Variants in GRIN2A observed in about 807,000 individuals in gnomAD.
GRIN2A encodes the protein glutamate ionotropic receptor NMDA type subunit 2A, also known as glutamate receptor ionotropic, NMDA 2A.
GRIN2A carries 22 observed loss-of-function variants against 113.4 expected under a neutral mutation model. The ratio of observed to expected loss-of-function variants is 0.19; its 90% confidence interval spans 0.14 to 0.28. GRIN2A has a LOEUF of 0.28. Ranked by LOEUF, GRIN2A falls within the 10% of genes least tolerant of loss-of-function variation. GRIN2A has a pLI of 1.00. For missense variants in GRIN2A, 1,502 were observed against 1,887.0 expected (o/e 0.80, Z 3.78); for synonymous variants, 827 against 738.4 (o/e 1.12, Z -1.94).
intron 3 of GRIN2A, chr16:9,937,681 T>C (rs1456026002): frequency 2.1e-6 from 1 of 474,998 alleles, no homozygotes; most frequent in Non-Finnish European, 3.9e-6. Flanking sequence ...GATACAGCCA[T>C]AGACAGACAG....
intron 2 of GRIN2A, among the ~76,000 whole-genome samples, chr16:9,968,533 G>A (rs150342969): frequency 0.015 from 2,288 of 151,838 alleles, 22 homozygotes; most frequent in Non-Finnish European, 0.024. Context: ...GGATGGTCTC[G>A]AACTCCTGAC....
intron 2 of GRIN2A, among the ~76,000 whole-genome samples, chr16:10,132,340 C>CAAAAAAAAAAAAA (rs71402435): frequency 0.031 from 1,905 of 61,054 alleles, 111 homozygotes; most frequent in South Asian, 0.046. Flanking sequence ...GACACCGTCT[C>CAAAAAAAAAAAAA]AAAAAAAAAA....
intron 11 of GRIN2A, among the ~76,000 whole-genome samples, chr16:9,781,607 C>A (rs969613010): frequency 3.9e-5 from 6 of 152,164 alleles, no homozygotes; most frequent in African/African-American, 1.4e-4. Flanking sequence ...GCAATCCCCC[C>A]ACCTTGGCCT....
At chr16:10,035,931 C>G (rs2047016972) in intron 2 of GRIN2A, among the ~76,000 whole-genome samples, 3 of 152,106 alleles carry the variant, frequency 2.0e-5, no homozygotes, top group Non-Finnish European at 2.9e-5. Context: ...ACCATGTTGG[C>G]CAGGCTGGTC....
intron 3 of GRIN2A, among the ~76,000 whole-genome samples, chr16:9,925,725 G>A (rs2044451029): frequency 1.3e-5 from 2 of 152,096 alleles, no homozygotes; most frequent in South Asian, 2.1e-4. Flanking sequence ...GTCCATTTTG[G>A]TTGTTTCAGT....
intron 4 of GRIN2A, among the ~76,000 whole-genome samples, chr16:9,853,040 C>G (rs1007563736): frequency 6.6e-6 from 1 of 152,114 alleles, no homozygotes; most frequent in African/African-American, 2.4e-5. Flanking sequence ...AAACATGGGT[C>G]TAAGAGAGCA....
intron 2 of GRIN2A, among the ~76,000 whole-genome samples, chr16:10,145,519 A>AT (rs1324187549): frequency 6.6e-6 from 1 of 152,182 alleles, no homozygotes; most frequent in East Asian, 1.9e-4. Context: ...TTTTTAAAAA[A>AT]AAAAAATTGA....
chr16:9,954,941 CCA>C (rs1555457702), intron 2 of GRIN2A, among the ~76,000 whole-genome samples: 1 of 152,158 alleles, frequency 6.6e-6, no homozygotes, highest in Non-Finnish European at 1.5e-5. Context: ...TAGGCTTACT[CCA>C]CAGTTATTAT....
At chr16:9,793,052 T>C (rs1448299611) in intron 11 of GRIN2A, among the ~76,000 whole-genome samples, 2 of 152,202 alleles carry the variant, frequency 1.3e-5, no homozygotes, top group African/African-American at 4.8e-5. Context: ...GATCCTCACG[T>C]GATTCTTGCT....
In GRIN2A at chr16:10,028,747, G is replaced by A. The variant is rs183482502; in HGVS notation, c.415-90196C>T. 3.2e-4 allele frequency among the ~76,000 whole-genome samples: 48 copies of A among 152,294 alleles called. No homozygotes were observed. The East Asian group carries it at 8.1e-3, about 26-fold the overall frequency. On this transcript the variant is annotated intron_variant, in intron 2 of 12. Coordinates refer to ENST00000330684, the MANE Select transcript of GRIN2A (RefSeq NM_001134407.3). ...AAGAGCTAGAGAGTAAATATTTTGA[G>A]CTTTGCAGGCCATGCAGTCTCTCTC...
chr16:10,066,808 C>T (rs531528290), intron 2 of GRIN2A, among the ~76,000 whole-genome samples: 1 of 152,148 alleles, frequency 6.6e-6, no homozygotes, highest in Admixed American at 6.5e-5. Context: ...GGAAATGTCA[C>T]CTTTAACACT....
intron 4 of GRIN2A, among the ~76,000 whole-genome samples, chr16:9,883,585 C>G (rs940256419): frequency 5.3e-5 from 8 of 152,134 alleles, no homozygotes; most frequent in Non-Finnish European, 1.0e-4. Flanking sequence ...CAGCTGAATA[C>G]TAGGGCTTGG....
intron 5 of GRIN2A, among the ~76,000 whole-genome samples, chr16:9,848,673 TTTTATAATATTTTAAATATATAAAATA>T: frequency 1.3e-5 from 1 of 76,276 alleles, no homozygotes; most frequent in African/African-American, 7.2e-5. Flanking sequence ...AAAATATATG[TTTTATAATATTTTAAATATATAAAATA>T]CACTGTTTTA....
chr16:10,102,997 C>G (rs1224865388), intron 2 of GRIN2A, among the ~76,000 whole-genome samples: 2 of 152,172 alleles, frequency 1.3e-5, no homozygotes, highest in African/African-American at 4.8e-5. Context: ...CTGTGCCATC[C>G]CCTATGGTAG....
At chr16:9,986,858 C>A (rs2045988270) in intron 2 of GRIN2A, among the ~76,000 whole-genome samples, 1 of 151,462 alleles carries the variant, frequency 6.6e-6, no homozygotes, top group Middle Eastern at 3.5e-3. Flanking sequence ...TCCATAAATA[C>A]TACAACCTCA....
chr16:9,903,169 CTG>C (rs1035205752), intron 3 of GRIN2A, among the ~76,000 whole-genome samples: 3 of 152,014 alleles, frequency 2.0e-5, no homozygotes, highest in African/African-American at 7.2e-5. Flanking sequence ...CGGGGTTTCA[CTG>C]TGTTAGCCAG....
intron 4 of GRIN2A, among the ~76,000 whole-genome samples, chr16:9,859,947 C>T (rs2043036390): frequency 6.6e-6 from 1 of 151,912 alleles, no homozygotes; most frequent in Non-Finnish European, 1.5e-5. Flanking sequence ...CCGGGTAATA[C>T]TGGAAGCCCT....
chr16:9,910,193 A>G (rs1234396917), intron 3 of GRIN2A, among the ~76,000 whole-genome samples: 1 of 151,800 alleles, frequency 6.6e-6, no homozygotes, highest in East Asian at 1.9e-4. Context: ...TTTTTGTTTG[A>G]ATACCTATTT....
At chr16:9,998,791 C>T (rs1262399801) in intron 2 of GRIN2A, among the ~76,000 whole-genome samples, 1 of 151,942 alleles carries the variant, frequency 6.6e-6, no homozygotes, top group African/African-American at 2.4e-5. Context: ...CTCCAACTCT[C>T]TAACAGTTCT....
Sources: gnomAD v4.1 joint callset for allele counts (sites outside exome capture counted in the v4.1 genomes callset) on GRCh38, gnomAD v4.1.1 for gene constraint, MANE v1.5 for transcripts, NCBI Gene and HGNC (gene_info 2026-07-23, HGNC 2026-07-21) for gene names.